The following ZBTB44 variants were observed in gnomAD, a reference collection of about 807,000 sequenced individuals.
ZBTB44 encodes the protein zinc finger and BTB domain containing 44, also known as zinc finger and BTB domain-containing protein 44.
ZBTB44 carries 15 observed loss-of-function variants against 54.0 expected under a neutral mutation model. That is an observed-to-expected ratio of 0.28 (90% CI 0.19 to 0.43). The LOEUF is 0.43. Ranked by LOEUF, ZBTB44 falls within the 20% of genes least tolerant of loss-of-function variation. The probability of loss-of-function intolerance (pLI) is 1.00; values close to 1 mark genes in which losing one functional copy is unlikely to be tolerated. For missense variants in ZBTB44, 487 were observed against 707.1 expected (o/e 0.69, Z 3.53); for synonymous variants, 230 against 250.1 (o/e 0.92, Z 0.76).
At chr11:130,293,171 A>T (rs1941405470) in intron 1 of ZBTB44, among the ~76,000 whole-genome samples, 1 of 152,132 alleles carries the variant, frequency 6.6e-6, no homozygotes, top group Non-Finnish European at 1.5e-5. Flanking sequence ...TTGTAAAAAG[A>T]TAATTTTAGG....
intron 5 of ZBTB44, among the ~76,000 whole-genome samples, chr11:130,235,172 AT>A (rs2136267966): frequency 6.6e-6 from 1 of 152,322 alleles, no homozygotes; most frequent in East Asian, 1.9e-4. Context: ...TTATAATTTC[AT>A]TGTTCAGTAT....
At chr11:130,313,495 G>T (rs1173063891) in intron 1 of ZBTB44, among the ~76,000 whole-genome samples, 1 of 152,136 alleles carries the variant, frequency 6.6e-6, no homozygotes, top group Admixed American at 6.5e-5. Flanking sequence ...AGTAATGGGG[G>T]AAATGAAGAT....
intron 1 of ZBTB44, among the ~76,000 whole-genome samples, chr11:130,274,874 A>G (rs1352059285): frequency 6.6e-6 from 1 of 152,218 alleles, no homozygotes; most frequent in Non-Finnish European, 1.5e-5. Context: ...AGCCACATAA[A>G]ATGATATGGG....
rs200894936 is a variant in ZBTB44 at position 130,238,806 on chromosome 11, A to G, written c.1104-199T>C. ...AGAATGCCTTTTGTTTTTTTTTTTT[A>G]TTTTTTGAGACGGAGTTAGGCAGAA... is the stretch of plus-strand genomic sequence containing the variant. On this transcript the variant is annotated intron_variant, in intron 3 of 7. Coordinates refer to ENST00000357899, the MANE Select transcript of ZBTB44 (RefSeq NM_001301098.2). The G allele has an allele frequency of 9.6e-6, 5 of 521,520 alleles. No individual in the cohort carries two copies. In the East Asian group the frequency reaches 1.9e-4, roughly 20 times the overall value. 32.3% of individuals were successfully genotyped at this position (521,520 alleles called of 1,614,324 possible).
chr11:130,276,352 G>C (rs1053044760), intron 1 of ZBTB44, among the ~76,000 whole-genome samples: 1 of 151,808 alleles, frequency 6.6e-6, no homozygotes, highest in Non-Finnish European at 1.5e-5. Flanking sequence ...GCTGGGTGAA[G>C]TGTTCCATAG....
At chr11:130,289,856 C>T (rs1016768206) in intron 1 of ZBTB44, among the ~76,000 whole-genome samples, 17 of 152,032 alleles carry the variant, frequency 1.1e-4, no homozygotes, top group African/African-American at 4.1e-4. Context: ...AATTGAATAC[C>T]CTCATACACA....
intron 1 of ZBTB44, among the ~76,000 whole-genome samples, chr11:130,287,245 A>G (rs1235515571): frequency 2.6e-5 from 4 of 152,188 alleles, no homozygotes; most frequent in Non-Finnish European, 4.4e-5. Context: ...ACTGGGTATC[A>G]TCCATCAGGC....
chr11:130,296,420 G>A lies in ZBTB44; in HGVS notation c.-57+17955C>T, dbSNP rs573308834. 2.0e-3 allele frequency: 2,881 copies of A among 1,428,992 alleles called. 55 individuals are homozygous for A. In the South Asian group the frequency reaches 0.03, roughly 15 times the overall value. 88.5% of individuals were successfully genotyped at this position (1,428,992 alleles called of 1,614,324 possible). A position where few individuals can be genotyped will look rare whatever the true frequency, so the allele number is the denominator to read the frequency against. ...TGCCCGTCTTGGCCATTCATGGAAA[G>A]CAAAAGCAAAATAAATGTACGACCA... On this transcript the variant is annotated intron_variant, in intron 1 of 7. Transcript: ENST00000357899.
intron 1 of ZBTB44, among the ~76,000 whole-genome samples, chr11:130,294,852 T>C (rs945769805): frequency 3.3e-5 from 5 of 152,234 alleles, no homozygotes; most frequent in African/African-American, 1.2e-4. Context: ...TTCATCCATT[T>C]GGCTCCTTAC....
At chr11:130,296,705 C>G (rs1941675578) in intron 1 of ZBTB44, 1 of 1,028,934 alleles carries the variant, frequency 9.7e-7, no homozygotes, top group African/African-American at 1.6e-5. Context: ...TTGACTTTTC[C>G]TGGTCTAAAA....
intron 2 of ZBTB44, among the ~76,000 whole-genome samples, chr11:130,256,548 C>A (rs1227042148): frequency 6.6e-6 from 1 of 151,956 alleles, no homozygotes; most frequent in Non-Finnish European, 1.5e-5. Flanking sequence ...TGGTGGCATG[C>A]GTCTGTAGTC....
chr11:130,254,139 A>AGGT (rs1938245583), intron 2 of ZBTB44, among the ~76,000 whole-genome samples: 2 of 152,230 alleles, frequency 1.3e-5, no homozygotes, highest in Admixed American at 1.3e-4. Context: ...AGGCAATACC[A>AGGT]TTCAGGACAT....
At chr11:130,247,317 G>C (rs1937621507) in intron 2 of ZBTB44, among the ~76,000 whole-genome samples, 1 of 152,140 alleles carries the variant, frequency 6.6e-6, no homozygotes, top group South Asian at 2.1e-4. Context: ...CTTCGTCCTG[G>C]GATCCTGGAT....
intron 2 of ZBTB44, among the ~76,000 whole-genome samples, chr11:130,249,360 T>C (rs945996609): frequency 2.0e-5 from 3 of 152,254 alleles, no homozygotes; most frequent in African/African-American, 4.8e-5. Flanking sequence ...CAAATAGCTA[T>C]GATTTCTTGA....
At chr11:130,252,998 T>C (rs1938144376) in intron 2 of ZBTB44, among the ~76,000 whole-genome samples, 1 of 152,174 alleles carries the variant, frequency 6.6e-6, no homozygotes. Flanking sequence ...AAAAGGCCTT[T>C]GACAAAATTC....
rs562765039 is a variant in ZBTB44, at chr11:130,227,914, T to C, written c.*3850A>G. The C allele has an allele frequency of 6.6e-6, 1 of 152,258 alleles. No individual in the cohort carries two copies. The highest frequency in any genetic ancestry group is 2.1e-4 in the South Asian group (1 of 4,826). 9.4% of individuals were successfully genotyped at this position (152,258 alleles called of 1,614,324 possible). On this transcript the variant is annotated 3_prime_UTR_variant, in exon 8 of 8. Coordinates refer to ENST00000357899, the MANE Select transcript of ZBTB44 (RefSeq NM_001301098.2). ...ACACTTCTAAATCCTGGAGATTAAATTTACTCTTAAAAATGGAAATACAGG... is the reference window on the plus strand; with the variant it reads ...ACACTTCTAAATCCTGGAGATTAAACTTACTCTTAAAAATGGAAATACAGG...
chr11:130,287,938 G>A (rs1262152983), intron 1 of ZBTB44, among the ~76,000 whole-genome samples: 1 of 143,432 alleles, frequency 7.0e-6, no homozygotes, highest in Non-Finnish European at 1.5e-5. Flanking sequence ...AGACAACATA[G>A]TTTTCAAGAA....
At position 130,260,986 on chromosome 11, in the gene ZBTB44, A is replaced by G. The variant is rs775135939; in HGVS notation, c.888T>C (p.Asp296=). 4 of 1,613,854 alleles carry G rather than the reference A, an allele frequency of 2.5e-6. No individual in the cohort carries two copies. Among genetic ancestry groups the G allele is most frequent in the Admixed American group, 1.7e-5 (1 of 59,980 alleles). The change falls in exon 2 of 8, where the codon GAT becomes GAC. Residue 296 remains aspartate, a synonymous_variant. Coordinates refer to ENST00000357899, the MANE Select transcript of ZBTB44 (RefSeq NM_001301098.2). ...GGGACACTTCCTCATGGACCTCCTCATCACTTAATCTTTCTACTTTGACCC... is the reference window on the plus strand; with the variant it reads ...GGGACACTTCCTCATGGACCTCCTCGTCACTTAATCTTTCTACTTTGACCC... The part of the protein sequence containing the change: ...DVRVKVERLS[D]EEVHEEVSQP...
intron 2 of ZBTB44, among the ~76,000 whole-genome samples, chr11:130,244,915 C>A (rs911668233): frequency 6.6e-6 from 1 of 152,104 alleles, no homozygotes; most frequent in Admixed American, 6.5e-5. Context: ...TTAAGGCATC[C>A]AAACTTTATT....
Sources: allele counts gnomAD v4.1 joint callset (sites outside exome capture counted in the v4.1 genomes callset), GRCh38; gene constraint gnomAD v4.1.1; transcripts MANE v1.5; gene names NCBI Gene and HGNC (gene_info 2026-07-23, HGNC 2026-07-21).